Variants in DLG2 observed in about 807,000 individuals in gnomAD.
DLG2 encodes the protein disks large homolog 2.
DLG2 carries 45 observed loss-of-function variants against 132.5 expected under a neutral mutation model. That is an observed-to-expected ratio of 0.34 (90% CI 0.27 to 0.44). The LOEUF is 0.44. Ranked by LOEUF, DLG2 falls within the 20% of genes least tolerant of loss-of-function variation. DLG2 has a pLI of 1.00. For missense variants in DLG2, 1,045 were observed against 1,196.9 expected (o/e 0.87, Z 1.87); for synonymous variants, 424 against 419.6 (o/e 1.01, Z -0.13).
At chr11:84,264,259 AT>A (rs1157302449) in intron 7 of DLG2, among the ~76,000 whole-genome samples, 1 of 152,112 alleles carries the variant, frequency 6.6e-6, no homozygotes, top group Non-Finnish European at 1.5e-5. Flanking sequence ...GAGCCTACAA[AT>A]CTCTGGATCC....
chr11:84,454,310 T>C (rs997765459), intron 7 of DLG2, among the ~76,000 whole-genome samples: 1 of 151,508 alleles, frequency 6.6e-6, no homozygotes, highest in Non-Finnish European at 1.5e-5. Context: ...GAAATAGATA[T>C]ATTCTTACTA....
rs996964869 is a variant in DLG2 at position 84,273,403 on chromosome 11, A to G, written c.520-22112T>C. The stretch of plus-strand genomic sequence containing the variant: ...CTGCTATCTTAAGACTTAAAAAAAA[A>G]GTTAATCAGAACATTTCTTTTGGGG... On this transcript the variant is annotated intron_variant, in intron 7 of 27. Transcript: ENST00000376104. 52 of 1,232,284 alleles carry G rather than the reference A, an allele frequency of 4.2e-5. No homozygotes were observed. In the South Asian group the frequency reaches 1.0e-3, roughly 24 times the overall value. The allele number at this position is 1,232,284 out of a possible 1,614,324, so 76.3% of individuals were successfully genotyped here. A position where few individuals can be genotyped will look rare whatever the true frequency, so the allele number is the denominator to read the frequency against.
intron 3 of DLG2, among the ~76,000 whole-genome samples, chr11:85,458,098 A>G (rs2092478703): frequency 6.6e-6 from 1 of 152,172 alleles, no homozygotes. Flanking sequence ...GTTTCTTTAC[A>G]TAATCCCATA....
At chr11:84,974,066 T>C (rs146314951) in intron 6 of DLG2, among the ~76,000 whole-genome samples, 1 of 152,180 alleles carries the variant, frequency 6.6e-6, no homozygotes, top group South Asian at 2.1e-4. Flanking sequence ...ATACAGATAC[T>C]GTTCTCCCAA....
At chr11:84,213,105 C>T (rs905604234) in intron 8 of DLG2, among the ~76,000 whole-genome samples, 5 of 152,150 alleles carry the variant, frequency 3.3e-5, no homozygotes, top group African/African-American at 1.2e-4. Flanking sequence ...CTTGTTCCAG[C>T]AAACATAAAT....
rs1598779142 is a variant in DLG2, at chr11:84,816,715, T to C, written c.358-281984A>G. Reference sequence around the variant, plus strand: ...TGCTCAAGATCACATTGCTAGTAAATAATGATGCTGGAACTAAAATAAAGA... The same window carrying C: ...TGCTCAAGATCACATTGCTAGTAAACAATGATGCTGGAACTAAAATAAAGA... On this transcript the variant is annotated intron_variant, in intron 6 of 27. Transcript: ENST00000376104. Among the ~76,000 whole-genome samples, 4 of 151,922 alleles carry C rather than the reference T, an allele frequency of 2.6e-5. No individual in the cohort carries two copies. The South Asian group carries it at 8.3e-4, about 31-fold the overall frequency.
At chr11:84,710,703 T>G (rs1313545764) in intron 6 of DLG2, among the ~76,000 whole-genome samples, 1 of 151,622 alleles carries the variant, frequency 6.6e-6, no homozygotes, top group Non-Finnish European at 1.5e-5. Flanking sequence ...TTCATCAAAC[T>G]AAATAATTTA....
chr11:84,598,282 C>A (rs2099568319), intron 6 of DLG2, among the ~76,000 whole-genome samples: 1 of 152,204 alleles, frequency 6.6e-6, no homozygotes, highest in East Asian at 1.9e-4. Context: ...TCCTTAATTC[C>A]AAATTCAGTG....
At chr11:83,589,449 T>C (rs1212849746) in intron 19 of DLG2, among the ~76,000 whole-genome samples, 1 of 151,500 alleles carries the variant, frequency 6.6e-6, no homozygotes, top group African/African-American at 2.4e-5. Context: ...CTGAGAGATT[T>C]TGTCACCAGC....
chr11:83,767,874 A>G (rs1290451432), intron 18 of DLG2, among the ~76,000 whole-genome samples: 1 of 152,184 alleles, frequency 6.6e-6, no homozygotes, highest in Admixed American at 6.5e-5. Flanking sequence ...CTTTTCACAG[A>G]TGAGAAATCT....
chr11:84,634,850 C>T (rs1470467550), intron 6 of DLG2, among the ~76,000 whole-genome samples: 1 of 152,186 alleles, frequency 6.6e-6, no homozygotes, highest in Non-Finnish European at 1.5e-5. Flanking sequence ...CCACTTTCCT[C>T]TCAATCTGCT....
intron 4 of DLG2, among the ~76,000 whole-genome samples, chr11:85,250,813 A>T (rs1309907993): frequency 6.6e-6 from 1 of 152,214 alleles, no homozygotes; most frequent in Non-Finnish European, 1.5e-5. Context: ...CCCTATAAGG[A>T]GCCCTAAAAT....
chr11:84,638,885 T>G (rs2099645912), intron 6 of DLG2, among the ~76,000 whole-genome samples: 1 of 152,222 alleles, frequency 6.6e-6, no homozygotes. Flanking sequence ...ATTCATACCT[T>G]CATTAGCTTG....
chr11:84,823,718 T>C (rs1279935744), intron 6 of DLG2, among the ~76,000 whole-genome samples: 1 of 151,858 alleles, frequency 6.6e-6, no homozygotes, highest in East Asian at 1.9e-4. Context: ...TCTTTTTATT[T>C]GGAATGTAAC....
intron 6 of DLG2, among the ~76,000 whole-genome samples, chr11:84,654,375 T>A (rs2099685685): frequency 6.6e-6 from 1 of 152,210 alleles, no homozygotes; most frequent in South Asian, 2.1e-4. Flanking sequence ...AAATGTTTTC[T>A]TAAAGAATTG....
chr11:84,567,122 G>T (rs531958210), intron 6 of DLG2, among the ~76,000 whole-genome samples: 1 of 152,100 alleles, frequency 6.6e-6, no homozygotes, highest in African/African-American at 2.4e-5. Flanking sequence ...TGAAAGTCTT[G>T]CTATGGGGTA....
chr11:85,226,273 T>C (rs567772041), intron 4 of DLG2, among the ~76,000 whole-genome samples: 1 of 151,930 alleles, frequency 6.6e-6, no homozygotes, highest in South Asian at 2.1e-4. Flanking sequence ...GATGGATGGA[T>C]GGATGCATAG....
chr11:84,198,491 T>C (rs2096551473), intron 8 of DLG2, among the ~76,000 whole-genome samples: 1 of 152,178 alleles, frequency 6.6e-6, no homozygotes, highest in Non-Finnish European at 1.5e-5. Context: ...TTTATTTTTG[T>C]TGTGGGGAAG....
chr11:83,870,741 C>T (rs1440628450), intron 16 of DLG2, among the ~76,000 whole-genome samples: 2 of 152,054 alleles, frequency 1.3e-5, no homozygotes. Flanking sequence ...CTCTTCATTC[C>T]TATTCTCAGA....
Sources: gnomAD v4.1 joint callset for allele counts (sites outside exome capture counted in the v4.1 genomes callset) on GRCh38, gnomAD v4.1.1 for gene constraint, MANE v1.5 for transcripts, NCBI Gene and HGNC (gene_info 2026-07-23, HGNC 2026-07-21) for gene names.